The following NEGR1 variants were observed in gnomAD, a reference collection of about 807,000 sequenced individuals.
The protein encoded by NEGR1 is IgLON family member 4.
Under a neutral mutation model 40.9 loss-of-function variants are expected in NEGR1, and 10 were observed. The ratio of observed to expected loss-of-function variants is 0.24; its 90% CI spans 0.15 to 0.42. The LOEUF is 0.42. Ranked by LOEUF, NEGR1 falls within the 10% of genes least tolerant of loss-of-function variation. NEGR1 has a pLI of 1.00. For synonymous variants in NEGR1, 185 were observed against 166.8 expected (o/e 1.11, Z -0.84); for missense variants, 352 against 438.9 (o/e 0.80, Z 1.77).
At chr1:72,199,770 G>A (rs1333214152) in intron 1 of NEGR1, among the ~76,000 whole-genome samples, 1 of 151,666 alleles carries the variant, frequency 6.6e-6, no homozygotes, top group Non-Finnish European at 1.5e-5. Flanking sequence ...CATTAAAACA[G>A]AAACTACACA....
At chr1:72,060,626 A>C (rs1381283364) in intron 1 of NEGR1, among the ~76,000 whole-genome samples, 1 of 151,670 alleles carries the variant, frequency 6.6e-6, no homozygotes, top group African/African-American at 2.4e-5. Flanking sequence ...TCTGGATTAC[A>C]GAATGCTCTT....
intron 1 of NEGR1, among the ~76,000 whole-genome samples, chr1:72,170,052 A>G (rs1651905333): frequency 6.6e-6 from 1 of 152,170 alleles, no homozygotes; most frequent in Non-Finnish European, 1.5e-5. Flanking sequence ...ATGCCTATAG[A>G]AAATGTGTAC....
chr1:71,961,174 TG>T (rs1219678313), intron 1 of NEGR1, among the ~76,000 whole-genome samples: 1 of 152,142 alleles, frequency 6.6e-6, no homozygotes. Flanking sequence ...ACTTTGGCTG[TG>T]GGTGGGCTAA....
chr1:71,450,725 G>A (rs893406428), intron 6 of NEGR1, among the ~76,000 whole-genome samples: 3 of 151,846 alleles, frequency 2.0e-5, no homozygotes, highest in African/African-American at 4.8e-5. Context: ...CAGGAGAATC[G>A]CTTGAACCCA....
chr1:72,038,556 T>A (rs1159130840), intron 1 of NEGR1, among the ~76,000 whole-genome samples: 2 of 151,982 alleles, frequency 1.3e-5, no homozygotes, highest in Admixed American at 6.6e-5. Flanking sequence ...AATAACTCCA[T>A]TTGCAAATGA....
At chr1:72,195,126 A>T (rs1316044997) in intron 1 of NEGR1, among the ~76,000 whole-genome samples, 1 of 152,070 alleles carries the variant, frequency 6.6e-6, no homozygotes, top group Non-Finnish European at 1.5e-5. Flanking sequence ...ATCCATGCTT[A>T]GCCATTGAAA....
chr1:71,989,326 A>G (rs995851032), intron 1 of NEGR1, among the ~76,000 whole-genome samples: 1 of 152,204 alleles, frequency 6.6e-6, no homozygotes, highest in Non-Finnish European at 1.5e-5. Flanking sequence ...TCAACATTTT[A>G]AAAATGCATC....
intron 1 of NEGR1, among the ~76,000 whole-genome samples, chr1:71,943,879 G>T (rs1293015278): frequency 6.6e-6 from 1 of 152,024 alleles, no homozygotes. Context: ...TATCATCTCT[G>T]CTCTAAGATT....
At chr1:71,465,450 G>C (rs556460380) in intron 6 of NEGR1, among the ~76,000 whole-genome samples, 2 of 152,182 alleles carry the variant, frequency 1.3e-5, no homozygotes, top group East Asian at 1.9e-4. Flanking sequence ...ATCGGATACT[G>C]TATCTACCCC....
intron 5 of NEGR1, among the ~76,000 whole-genome samples, chr1:71,604,143 C>T (rs753712624): frequency 3.3e-5 from 5 of 152,000 alleles, no homozygotes; most frequent in African/African-American, 7.2e-5. Context: ...TAAGTCATGC[C>T]GTTTAATTAT....
In NEGR1 at chr1:71,898,134, T is replaced by C. The variant is rs545706807; in HGVS notation, c.409+36945A>G. Among the ~76,000 whole-genome samples, 3 of 152,300 alleles carry C rather than the reference T, an allele frequency of 2.0e-5. No homozygotes were observed. In the East Asian group the frequency reaches 5.8e-4, roughly 29 times the overall value. The stretch of plus-strand genomic sequence containing the variant: ...TAAACAGTTTATCTTTCTTCTGAAA[T>C]TGGCTAAAAGTATTCAATGACATTA... On this transcript the variant is annotated intron_variant, in intron 2 of 6. Coordinates refer to ENST00000357731, the MANE Select transcript of NEGR1 (RefSeq NM_173808.3).
At chr1:72,268,309 A>C (rs1655721164) in intron 1 of NEGR1, among the ~76,000 whole-genome samples, 1 of 151,516 alleles carries the variant, frequency 6.6e-6, no homozygotes, top group Non-Finnish European at 1.5e-5. Flanking sequence ...TAGTGTTCAC[A>C]ATAAGTATGG....
chr1:71,546,634 T>C (rs1200841753), intron 6 of NEGR1, among the ~76,000 whole-genome samples: 2 of 151,584 alleles, frequency 1.3e-5, no homozygotes, highest in African/African-American at 4.8e-5. Flanking sequence ...TCATCATTAC[T>C]AAAGAAAAGT....
At position 71,396,130 on chromosome 1, in the gene NEGR1, C is replaced by G. The variant is rs1646210063; in HGVS notation, c.*11316G>C. On this transcript the variant is annotated 3_prime_UTR_variant, in exon 7 of 7. Coordinates refer to ENST00000357731, the MANE Select transcript of NEGR1 (RefSeq NM_173808.3). ...CTTAGGAGAAAATATACATTAATCT[C>G]TTTCTTTCCCTTCCTCTTTCTCTTC... 1 of 152,158 alleles carries G rather than the reference C, an allele frequency of 6.6e-6. No individual in the cohort carries two copies. Among genetic ancestry groups the G allele is most frequent in the Non-Finnish European group, 1.5e-5 (1 of 68,022 alleles). The allele number at this position is 152,158 out of a possible 1,614,324, so 9.4% of individuals were successfully genotyped here.
chr1:72,140,700 T>A (rs1385920), intron 1 of NEGR1, among the ~76,000 whole-genome samples: 34,266 of 151,992 alleles, frequency 0.23, 4,423 homozygotes, highest in Non-Finnish European at 0.29. Flanking sequence ...ATATTTTCTT[T>A]CATGTAAACT....
At chr1:71,988,418 A>G (rs956432864) in intron 1 of NEGR1, among the ~76,000 whole-genome samples, 12 of 151,812 alleles carry the variant, frequency 7.9e-5, no homozygotes, top group Admixed American at 2.0e-4. Flanking sequence ...GGGCGCCTGT[A>G]GTCCCAGCTA....
intron 1 of NEGR1, among the ~76,000 whole-genome samples, chr1:72,210,282 C>G (rs1277634574): frequency 6.6e-6 from 1 of 151,808 alleles, no homozygotes; most frequent in Non-Finnish European, 1.5e-5. Flanking sequence ...AACTCAGTGG[C>G]ATAGTGCGAC....
At chr1:71,769,663 T>C (rs1426554591) in intron 3 of NEGR1, among the ~76,000 whole-genome samples, 1 of 152,056 alleles carries the variant, frequency 6.6e-6, no homozygotes, top group Non-Finnish European at 1.5e-5. Flanking sequence ...TCCACCATGA[T>C]TGTAAGTTTC....
chr1:71,632,761 TA>T (rs1651017127), intron 4 of NEGR1, among the ~76,000 whole-genome samples: 1 of 151,944 alleles, frequency 6.6e-6, no homozygotes, highest in Admixed American at 6.6e-5. Flanking sequence ...CAGCTAGAAC[TA>T]TGCCTTGAAT....
Sources: allele counts gnomAD v4.1 joint callset (sites outside exome capture counted in the v4.1 genomes callset), GRCh38; gene constraint gnomAD v4.1.1; transcripts MANE v1.5; gene names NCBI Gene and HGNC (gene_info 2026-07-23, HGNC 2026-07-21).